Variants in ZNF462 observed in about 807,000 individuals in gnomAD.
The protein encoded by ZNF462 is zinc finger protein 462.
In ZNF462, 10 loss-of-function variants were observed where a neutral mutation model predicts 201.9. That is an observed-to-expected ratio of 0.05 (90% CI 0.03 to 0.08). ZNF462 has a LOEUF of 0.08. Ranked by LOEUF, ZNF462 falls within the 10% of genes least tolerant of loss-of-function variation. The pLI is 1.00. For missense variants in ZNF462, 2,523 were observed against 3,168.3 expected (o/e 0.80, Z 4.89); for synonymous variants, 1,227 against 1,193.3 (o/e 1.03, Z -0.58).
intron 1 of ZNF462, among the ~76,000 whole-genome samples, chr9:106,863,743 G>T (rs962263674): frequency 6.6e-6 from 1 of 151,374 alleles, no homozygotes; most frequent in African/African-American, 2.4e-5. Flanking sequence ...GAAGAGAAGA[G>T]AAAATGAAAG....
intron 1 of ZNF462, among the ~76,000 whole-genome samples, chr9:106,873,906 T>C (rs1827711988): frequency 6.6e-6 from 1 of 152,072 alleles, no homozygotes; most frequent in African/African-American, 2.4e-5. Context: ...TTTTATAAAA[T>C]CCTAACATTG....
chr9:106,986,132 C>T (rs1407094578), intron 10 of ZNF462, among the ~76,000 whole-genome samples: 1 of 152,164 alleles, frequency 6.6e-6, no homozygotes, highest in African/African-American at 2.4e-5. Flanking sequence ...AAAGAAGATT[C>T]TTCTCTAGTT....
chr9:106,924,476 T>G lies in ZNF462; in HGVS notation c.564T>G (p.Asn188Lys), dbSNP rs1401176949. 1 of 1,614,050 alleles carries G rather than the reference T, an allele frequency of 6.2e-7. No homozygotes were observed. The highest frequency in any genetic ancestry group is 8.5e-7 in the Non-Finnish European group (1 of 1,180,012). ...ATCAGAAGATGTATCACAAAAACAATTTGAAGGAGACCACTGCTCCCCCAC... is the reference window on the plus strand; with the variant it reads ...ATCAGAAGATGTATCACAAAAACAAGTTGAAGGAGACCACTGCTCCCCCAC... ...IKHQKMYHKN[N>K]LKETTAPPPA... Residue 188 changes from asparagine (N) to lysine (K), a missense_variant, in exon 3 of 13, where the codon AAT (asparagine) becomes AAG (lysine). Coordinates refer to ENST00000277225, the MANE Select transcript of ZNF462 (RefSeq NM_021224.6). This position sits in a 1 kb window ranked among gnomAD's most constrained non-coding sequence, Gnocchi z 6.2.
intron 1 of ZNF462, among the ~76,000 whole-genome samples, chr9:106,921,561 C>G (rs1049268250): frequency 1.3e-5 from 2 of 152,166 alleles, no homozygotes; most frequent in Non-Finnish European, 2.9e-5. Context: ...GACGCAGGAG[C>G]TCATATCTCT....
chr9:106,888,109 T>C (rs1260559992), intron 1 of ZNF462, among the ~76,000 whole-genome samples: 2 of 151,396 alleles, frequency 1.3e-5, no homozygotes, highest in Admixed American at 1.3e-4. Context: ...TGGCGCGATC[T>C]CGGCTCACTG....
In ZNF462 at chr9:106,928,562, C is replaced by T. The variant is rs143646728; in HGVS notation, c.4650C>T (p.His1550=). ...AGGTGACCGCTGAGGACTTTGTGCA[C>T]GACGTAGAGCAGTCTGCTGACATAT... The part of the protein sequence containing the change: ...SIKVTAEDFV[H]DVEQSADISQ... Residue 1550 remains histidine, a synonymous_variant, in exon 3 of 13, where the codon CAC becomes CAT. Coordinates refer to ENST00000277225, the MANE Select transcript of ZNF462 (RefSeq NM_021224.6). The surrounding 1 kb of genome is among the most constrained non-coding windows in gnomAD (Gnocchi z 9.3). The T allele has an allele frequency of 6.6e-4, 1,062 of 1,614,012 alleles. 2 individuals carry two copies. Among genetic ancestry groups the T allele is most frequent in the Non-Finnish European group, 8.4e-4 (990 of 1,180,012 alleles).
At position 106,962,041 on chromosome 9, in the gene ZNF462, G is replaced by A. The variant is rs1486688367; in HGVS notation, c.6428-9964G>A. On this transcript the variant is annotated intron_variant, in intron 7 of 12. Coordinates refer to ENST00000277225, the MANE Select transcript of ZNF462 (RefSeq NM_021224.6). This position sits in a 1 kb window ranked among gnomAD's most constrained non-coding sequence, Gnocchi z 4.6. ...CCTGGAAAGATGAAGGAGAGTGTGA[G>A]CCCCATGGTTCAGAGTTTGGGCTTT... 2.6e-5 allele frequency among the ~76,000 whole-genome samples: 4 copies of A among 151,966 alleles called. No individual in the cohort carries two copies. The highest frequency in any genetic ancestry group is 9.7e-5 in the African/African-American group (4 of 41,406).
rs750010067 is a variant in ZNF462, at chr9:106,930,205, G to A, written c.5848-320G>A. ...TATTTTATCAAGAAGTTCATTAATGGCGCAACTATGCAACGTTTCACCTGC... is the reference window on the plus strand; with the variant it reads ...TATTTTATCAAGAAGTTCATTAATGACGCAACTATGCAACGTTTCACCTGC... On this transcript the variant is annotated intron_variant, in intron 3 of 12. Transcript: ENST00000277225. This position sits in a 1 kb window ranked among gnomAD's most constrained non-coding sequence, Gnocchi z 5.8. 1.3e-5 allele frequency among the ~76,000 whole-genome samples: 2 copies of A among 151,994 alleles called. No homozygotes were observed. The highest frequency in any genetic ancestry group is 2.9e-5 in the Non-Finnish European group (2 of 68,010).
In ZNF462 at chr9:106,902,898, GT is replaced by G. The variant is rs899467712; in HGVS notation, c.-30-20448del. ...AGCTTTTGTTTCATTTATCTTTTGT[GT>G]TTTTTTTGTTTGTTTGTTTGAATTT... On this transcript the variant is annotated intron_variant, in intron 1 of 12. Transcript: ENST00000277225. The surrounding 1 kb of genome is among the most constrained non-coding windows in gnomAD (Gnocchi z 4.2). Among the ~76,000 whole-genome samples, 8 of 151,232 alleles carry G rather than the reference GT, an allele frequency of 5.3e-5. No individual in the cohort carries two copies. Among genetic ancestry groups the G allele is most frequent in the African/African-American group, 1.7e-4 (7 of 41,200 alleles).
rs1829138864 is a variant in ZNF462, at chr9:107,000,911, C to T, written c.7057-2383C>T. ...GGGGTTCCAGTGTGGACCCCAGAGGCTGGCACACAGCAAGCCAGCCCTCCA... is the reference window on the plus strand; with the variant it reads ...GGGGTTCCAGTGTGGACCCCAGAGGTTGGCACACAGCAAGCCAGCCCTCCA... On this transcript the variant is annotated intron_variant, in intron 10 of 12. Transcript: ENST00000277225. Among the ~76,000 whole-genome samples the T allele has an allele frequency of 2.0e-5, 3 of 152,248 alleles. No homozygotes were observed. The South Asian group carries it at 6.2e-4, about 32-fold the overall frequency.
rs1275667635 is a variant in ZNF462 at position 106,927,973 on chromosome 9, A to G, written c.4061A>G (p.Asp1354Gly). 6.2e-7 allele frequency: 1 copy of G among 1,614,126 alleles called. No homozygotes were observed. Among genetic ancestry groups the G allele is most frequent in the Non-Finnish European group, 8.5e-7 (1 of 1,180,026 alleles). The change falls in exon 3 of 13, where the codon GAC becomes GGC. Residue 1354 changes from aspartate (D) to glycine (G), a missense_variant. By Grantham distance (94) the Asp-to-Gly change is moderately conservative. Transcript: ENST00000277225. ...YMATKLWAGPDPSPPSLTMPA... is the reference protein window; with the variant it reads ...YMATKLWAGPGPSPPSLTMPA... ...GCTACTAAACTGTGGGCTGGGCCAG[A>G]CCCATCCCCTCCCTCTCTCACAATG...
chr9:106,943,804 G>A (rs1449654668), intron 7 of ZNF462, among the ~76,000 whole-genome samples: 1 of 152,072 alleles, frequency 6.6e-6, no homozygotes, highest in Non-Finnish European at 1.5e-5. Context: ...TCTGTTAATT[G>A]TACTGGGTCC....
Position 106,925,724 on chromosome 9 carries a change from G to T in ZNF462, c.1812G>T (p.Met604Ile), listed in dbSNP as rs929829944. Residue 604 changes from methionine (M) to isoleucine (I), a missense_variant, in exon 3 of 13, where the codon ATG (methionine) becomes ATT (isoleucine). Met to Ile is a conservative substitution (Grantham distance 10). Transcript: ENST00000277225. This position sits in a 1 kb window ranked among gnomAD's most constrained non-coding sequence, Gnocchi z 7.9. ...CTCTGCACCCATACAAATGCACCATGTGTAATTACTCCACCACAACTCTGA... is the reference window on the plus strand; with the variant it reads ...CTCTGCACCCATACAAATGCACCATTTGTAATTACTCCACCACAACTCTGA... ...AAPLHPYKCT[M>I]CNYSTTTLKG... 6.2e-7 allele frequency: 1 copy of T among 1,614,160 alleles called. No individual in the cohort carries two copies. Among genetic ancestry groups the T allele is most frequent in the Non-Finnish European group, 8.5e-7 (1 of 1,180,030 alleles).
In ZNF462 at chr9:107,000,385, A is replaced by G. The variant is rs540042784; in HGVS notation, c.7057-2909A>G. Among the ~76,000 whole-genome samples the G allele has an allele frequency of 2.6e-5, 4 of 152,202 alleles. No homozygotes were observed. The East Asian group carries it at 7.8e-4, about 30-fold the overall frequency. ...ACTAAAGAATCAGGTACAAGAAGGG[A>G]CAAGAGTAGGTGCTAGGAGACCAAC... On this transcript the variant is annotated intron_variant, in intron 10 of 12. Coordinates refer to ENST00000277225, the MANE Select transcript of ZNF462 (RefSeq NM_021224.6).
intron 10 of ZNF462, among the ~76,000 whole-genome samples, chr9:106,998,656 G>A (rs142889516): frequency 3.7e-3 from 566 of 152,004 alleles, no homozygotes; most frequent in South Asian, 0.01. Context: ...CACCCAGGCT[G>A]GAGTGCAGTG....
At chr9:106,939,404 A>G (rs535346773) in intron 7 of ZNF462, among the ~76,000 whole-genome samples, 2 of 152,298 alleles carry the variant, frequency 1.3e-5, no homozygotes, top group South Asian at 4.1e-4. Flanking sequence ...CTGTGGTTTC[A>G]AGCAAGAAAG....
intron 1 of ZNF462, among the ~76,000 whole-genome samples, chr9:106,864,052 CTCTCTCTCTCTCT>C (rs1827186567): frequency 1.8e-5 from 1 of 55,994 alleles, no homozygotes; most frequent in African/African-American, 8.4e-5. Flanking sequence ...CTCTCTCTCT[CTCTCTCTCTCTCT>C]CTCTCTCTCT....
chr9:107,000,315 C>A (rs1023917918), intron 10 of ZNF462, among the ~76,000 whole-genome samples: 2 of 151,768 alleles, frequency 1.3e-5, no homozygotes, highest in African/African-American at 4.8e-5. Flanking sequence ...CAAGCAGAGA[C>A]TGACATGAAG....
intron 7 of ZNF462, among the ~76,000 whole-genome samples, chr9:106,961,177 G>GA (rs1831822286): frequency 6.6e-6 from 1 of 151,990 alleles, no homozygotes; most frequent in Admixed American, 6.6e-5. Flanking sequence ...ACTGATGGGT[G>GA]AAAAAAATGA....
Sources: allele counts gnomAD v4.1 joint callset (sites outside exome capture counted in the v4.1 genomes callset), GRCh38; gene constraint gnomAD v4.1.1; non-coding constraint Gnocchi (gnomAD v3.1); transcripts MANE v1.5; gene names NCBI Gene and HGNC (gene_info 2026-07-23, HGNC 2026-07-21).